The following TMEM181 variants were observed in gnomAD, a reference collection of about 807,000 sequenced individuals.
TMEM181 encodes the protein transmembrane protein 181, also known as G protein-coupled receptor 178.
TMEM181 carries 39 observed loss-of-function variants against 71.9 expected under a neutral mutation model. The observed-to-expected ratio is 0.54, with a 90% CI of 0.42 to 0.71. The LOEUF (loss-of-function observed/expected upper bound fraction) is 0.71. Ranked by LOEUF, TMEM181 falls within the 30% of genes least tolerant of loss-of-function variation. The pLI is 0.00. For synonymous variants in TMEM181, 245 were observed against 228.8 expected, an observed-to-expected ratio of 1.07 and a Z score of -0.64; for missense variants, 595 against 583.0, an observed-to-expected ratio of 1.02 and a Z score of -0.21.
At chr6:158,608,600 T>C in intron 9 of TMEM181, 59 bp from the exon 10 acceptor site, 1 of 1,596,160 alleles carries the variant, frequency 6.3e-7, no homozygotes, top group South Asian at 1.1e-5. Context: ...AAAATCACGT[T>C]ATGTACAATT....
intron 10 of TMEM181, among the ~76,000 whole-genome samples, chr6:158,611,874 G>C (rs192432132): frequency 6.6e-6 from 1 of 152,162 alleles, no homozygotes; most frequent in Non-Finnish European, 1.5e-5. Context: ...GGCAGAAGAG[G>C]TTATCACAGG....
upstream of TMEM181, among the ~76,000 whole-genome samples, chr6:158,559,547 C>A (rs1227500640): frequency 6.6e-6 from 1 of 152,174 alleles, no homozygotes; most frequent in Non-Finnish European, 1.5e-5. Context: ...AGCCAAGATG[C>A]GAAATCAGGA....
chr6:158,582,917 T>C (rs1783558165), intron 3 of TMEM181, among the ~76,000 whole-genome samples: 1 of 152,176 alleles, frequency 6.6e-6, no homozygotes, highest in Non-Finnish European at 1.5e-5. Context: ...CAAAGAGCAA[T>C]TTGCCTGGCA....
At position 158,585,397 on chromosome 6, in the gene TMEM181, A is replaced by G. The variant is rs566609873; in HGVS notation, c.353A>G (p.Asn118Ser). The change falls in exon 5 of 17, where the codon AAC becomes AGC. Residue 118 changes from asparagine to serine, a missense_variant. By Grantham distance (46) the Asn-to-Ser change is conservative. Transcript: ENST00000684151. ...TTMYIHNKVH[N>S]RTRTLTCAGK... ...ATGTACATTCATAACAAAGTTCACA[A>G]CCGGACAAGGACCCTCACATGTGCA... is the stretch of plus-strand genomic sequence containing the variant. 6.2e-7 allele frequency: 1 copy of G among 1,611,554 alleles called. No homozygotes were observed. The highest frequency in any genetic ancestry group is 8.5e-7 in the Non-Finnish European group (1 of 1,179,390).
chr6:158,568,889 T>C (rs1782656205), intron 1 of TMEM181, among the ~76,000 whole-genome samples: 1 of 152,240 alleles, frequency 6.6e-6, no homozygotes, highest in African/African-American at 2.4e-5. Context: ...GTTTTGCCCA[T>C]GAGCAACAGT....
chr6:158,579,780 G>C (rs751611608), intron 2 of TMEM181, among the ~76,000 whole-genome samples: 6 of 152,110 alleles, frequency 3.9e-5, no homozygotes, highest in Admixed American at 6.6e-5. Context: ...TAATATGGAT[G>C]AATTTTGAGG....
chr6:158,627,539 C>T (rs1187268897), intron 13 of TMEM181, among the ~76,000 whole-genome samples: 1 of 152,184 alleles, frequency 6.6e-6, no homozygotes, highest in Non-Finnish European at 1.5e-5. Context: ...CTTGGAGAGG[C>T]GACATTTGGC....
rs1197392879 is a variant in TMEM181, at chr6:158,611,153, CT to C, written c.896+2404del. On this transcript the variant is annotated intron_variant, in intron 10 of 16. Transcript: ENST00000684151. ...CTCCTGAGGGTCTGTGACTACTCTCCTGTCACAGAAGCTGCTCCTCTCTGGC... is the reference window on the plus strand; with the variant it reads ...CTCCTGAGGGTCTGTGACTACTCTCCGTCACAGAAGCTGCTCCTCTCTGGC... 4 of 530,004 alleles carry C rather than the reference CT, an allele frequency of 7.5e-6. No homozygotes were observed. In the African/African-American group the frequency reaches 7.7e-5, roughly 10 times the overall value. The allele number at this position is 530,004 out of a possible 1,614,324, so 32.8% of individuals were successfully genotyped here. A position where few individuals can be genotyped will look rare whatever the true frequency, so the allele number is the denominator to read the frequency against.
At chr6:158,543,532 T>C (rs1781425189) in intron 1 of TMEM181, among the ~76,000 whole-genome samples, 1 of 152,244 alleles carries the variant, frequency 6.6e-6, no homozygotes, top group African/African-American at 2.4e-5. Flanking sequence ...AATCCAGGTG[T>C]TGGCAGAGTT....
At chr6:158,576,913 T>G (rs1010981181) in intron 2 of TMEM181, among the ~76,000 whole-genome samples, 1 of 151,794 alleles carries the variant, frequency 6.6e-6, no homozygotes, top group African/African-American at 2.4e-5. Context: ...ATACAAAAAA[T>G]TAGCCAGGCA....
chr6:158,569,345 C>T (rs1459350558), intron 1 of TMEM181, among the ~76,000 whole-genome samples: 2 of 152,252 alleles, frequency 1.3e-5, no homozygotes, highest in African/African-American at 4.8e-5. Context: ...GCCTGGCGCC[C>T]ACCCTCTCAC....
chr6:158,618,774 A>T (rs1785777099), intron 10 of TMEM181, among the ~76,000 whole-genome samples: 1 of 152,028 alleles, frequency 6.6e-6, no homozygotes, highest in Non-Finnish European at 1.5e-5. Flanking sequence ...TTGATACGAA[A>T]CTCTGGGTTG....
In TMEM181 at chr6:158,631,667, G is replaced by A. The variant is rs572178113; in HGVS notation, c.1350-143G>A. Reference sequence around the variant, plus strand: ...AACTGGGGGTCAGGGAGAGGAGGACGGGGTGAGCAGTAGCAGTTGGTGATA... The same window carrying A: ...AACTGGGGGTCAGGGAGAGGAGGACAGGGTGAGCAGTAGCAGTTGGTGATA... On this transcript the variant is annotated intron_variant, in intron 16 of 16. Transcript: ENST00000684151. 10 of 966,658 alleles carry A rather than the reference G, an allele frequency of 1.0e-5. No homozygotes were observed. The East Asian group carries it at 1.1e-4, about 10-fold the overall frequency. 59.9% of individuals were successfully genotyped at this position (966,658 alleles called of 1,614,324 possible). A position where few individuals can be genotyped will look rare whatever the true frequency, so the allele number is the denominator to read the frequency against.
intron 10 of TMEM181, among the ~76,000 whole-genome samples, chr6:158,616,001 T>C (rs940108639): frequency 1.3e-5 from 2 of 152,198 alleles, no homozygotes; most frequent in African/African-American, 4.8e-5. Context: ...TTTAAAGTAG[T>C]TTTTTCCAAT....
chr6:158,543,199 G>A (rs1781415604), intron 1 of TMEM181, among the ~76,000 whole-genome samples: 1 of 152,030 alleles, frequency 6.6e-6, no homozygotes, highest in Non-Finnish European at 1.5e-5. Context: ...TTTAAGCCAC[G>A]TCTCGCTCTG....
At chr6:158,595,723 C>T (rs367684940) in intron 6 of TMEM181, among the ~76,000 whole-genome samples, 1 of 152,052 alleles carries the variant, frequency 6.6e-6, no homozygotes, top group Non-Finnish European at 1.5e-5. Flanking sequence ...ATTACAAAGA[C>T]AGGCAAAATG....
upstream of TMEM181, chr6:158,560,042 C>T (rs1782063604): frequency 3.0e-6 from 3 of 985,098 alleles, no homozygotes; most frequent in African/African-American, 3.5e-5. Flanking sequence ...CGCCCTCTTC[C>T]GCCGTGAGAG....
At chr6:158,595,802 C>A (rs552653552) in intron 6 of TMEM181, among the ~76,000 whole-genome samples, 2 of 152,056 alleles carry the variant, frequency 1.3e-5, no homozygotes, top group Admixed American at 6.6e-5. Context: ...GAGCATCAAG[C>A]GGGGGGCTTC....
intron 1 of TMEM181, chr6:158,572,337 G>A (rs1377850683): frequency 8.9e-6 from 4 of 451,600 alleles, no homozygotes; most frequent in Non-Finnish European, 1.8e-5. Context: ...CTGGGTGGAC[G>A]TGCGGCTGCC....
Sources: gnomAD v4.1 joint callset for allele counts (sites outside exome capture counted in the v4.1 genomes callset) on GRCh38, gnomAD v4.1.1 for gene constraint, MANE v1.5 for transcripts, NCBI Gene and HGNC (gene_info 2026-07-23, HGNC 2026-07-21) for gene names.